The following EEPD1 variants were observed in gnomAD, a reference collection of about 807,000 sequenced individuals.
The protein encoded by EEPD1 is endonuclease/exonuclease/phosphatase family domain-containing protein 1.
EEPD1 carries 17 observed loss-of-function variants against 46.3 expected under a neutral mutation model. The ratio of observed to expected loss-of-function variants is 0.37; its 90% CI spans 0.25 to 0.55. The LOEUF is 0.55. Ranked by LOEUF, EEPD1 falls within the 20% of genes least tolerant of loss-of-function variation. EEPD1 has a pLI of 0.83. For missense variants in EEPD1, 673 were observed against 745.6 expected (o/e 0.90, Z 1.13); for synonymous variants, 313 against 315.6 (o/e 0.99, Z 0.09).
chr7:36,254,908 T>C (rs1786804947), intron 3 of EEPD1, among the ~76,000 whole-genome samples: 1 of 152,236 alleles, frequency 6.6e-6, no homozygotes, highest in Non-Finnish European at 1.5e-5. Context: ...CTTTTTTTCA[T>C]ATGTTTTTTG....
At chr7:36,232,152 A>T (rs1786343117) in intron 2 of EEPD1, among the ~76,000 whole-genome samples, 2 of 148,288 alleles carry the variant, frequency 1.3e-5, no homozygotes, top group East Asian at 2.0e-4. Context: ...CTGCCCCTAA[A>T]GCTATTCCAT....
chr7:36,183,449 G>A (rs1785308685), intron 2 of EEPD1, among the ~76,000 whole-genome samples: 1 of 152,138 alleles, frequency 6.6e-6, no homozygotes. Context: ...TTCTGTCACA[G>A]GAAACCCCAA....
At chr7:36,266,312 C>G (rs1178633516) in intron 3 of EEPD1, among the ~76,000 whole-genome samples, 3 of 152,152 alleles carry the variant, frequency 2.0e-5, no homozygotes, top group African/African-American at 4.8e-5. Context: ...CCAAGAATTA[C>G]TGGGCTGTGC....
Position 36,154,186 on chromosome 7 carries a change from T to C in EEPD1, c.-139T>C. The C allele has an allele frequency of 9.4e-7, 1 of 1,067,736 alleles. No individual in the cohort carries two copies. The highest frequency in any genetic ancestry group is 1.7e-5 in the South Asian group (1 of 58,854). 66.1% of individuals were successfully genotyped at this position (1,067,736 alleles called of 1,614,324 possible). ...CGCCAGGCATGGAAGATTCGGTGTT[T>C]GTCTATAGTAACCTCTTCAGTCCCT... On this transcript the variant is annotated 5_prime_UTR_variant, in exon 2 of 8. Transcript: ENST00000242108. This position sits in a 1 kb window ranked among gnomAD's most constrained non-coding sequence, Gnocchi z 4.2.
At chr7:36,197,146 G>A (rs1221686878) in intron 2 of EEPD1, among the ~76,000 whole-genome samples, 14 of 149,038 alleles carry the variant, frequency 9.4e-5, no homozygotes, top group Middle Eastern at 3.6e-3. Context: ...CAACCGCCCC[G>A]TCTGAGAAGT....
intron 2 of EEPD1, among the ~76,000 whole-genome samples, chr7:36,231,409 A>G (rs959287396): frequency 6.6e-6 from 1 of 152,236 alleles, no homozygotes; most frequent in African/African-American, 2.4e-5. Context: ...AGTAGGGTAC[A>G]GAAAAAGAAA....
intron 2 of EEPD1, among the ~76,000 whole-genome samples, chr7:36,191,877 G>T (rs1237107523): frequency 1.3e-5 from 2 of 152,310 alleles, no homozygotes; most frequent in South Asian, 2.1e-4. Flanking sequence ...GTCTTTTCTG[G>T]TGTGGGAGTC....
intron 3 of EEPD1, 53 bp downstream of exon 3, chr7:36,239,089 A>T (rs1786508535): frequency 6.3e-7 from 1 of 1,575,296 alleles, no homozygotes; most frequent in Non-Finnish European, 8.7e-7. Flanking sequence ...GGAGGGCCAC[A>T]CATAAGAAAA....
In EEPD1 at chr7:36,300,688, T is replaced by C. The variant is rs1787607545; in HGVS notation, c.*1482T>C. Reference sequence around the variant, plus strand: ...TCTCTGACCTGGAGCTGATGGGCCGTGAAGGGGGCCTATTTTTCTCCAAAG... The same window carrying C: ...TCTCTGACCTGGAGCTGATGGGCCGCGAAGGGGGCCTATTTTTCTCCAAAG... On this transcript the variant is annotated 3_prime_UTR_variant, in exon 8 of 8. Coordinates refer to ENST00000242108, the MANE Select transcript of EEPD1 (RefSeq NM_030636.3). 2 of 152,172 alleles carry C rather than the reference T, an allele frequency of 1.3e-5. No individual in the cohort carries two copies. The highest frequency in any genetic ancestry group is 6.5e-5 in the Admixed American group (1 of 15,278). The allele number at this position is 152,172 out of a possible 1,614,324, so 9.4% of individuals were successfully genotyped here. A position where few individuals can be genotyped will look rare whatever the true frequency, so the allele number is the denominator to read the frequency against.
chr7:36,234,518 A>G (rs1786393570), intron 2 of EEPD1, among the ~76,000 whole-genome samples: 1 of 151,982 alleles, frequency 6.6e-6, no homozygotes, highest in Non-Finnish European at 1.5e-5. Flanking sequence ...CTAAAAATAC[A>G]AAAATTAGCC....
rs779933198 is a variant in EEPD1 at position 36,281,167 on chromosome 7, G to T, written c.983G>T (p.Gly328Val). ...PTLPNIRKWK[G>V]PRGCWKAVVA... ...CTGCCCAACATCCGCAAGTGGAAGG[G>T]GCCCCGGGGATGCTGGAAGGCTGTT... The change falls in exon 4 of 8, where the codon GGG becomes GTG. Residue 328 changes from glycine to valine, a missense_variant. Gly to Val is a moderately radical substitution (Grantham distance 109, BLOSUM62 -3). Transcript: ENST00000242108. 2 of 1,614,192 alleles carry T rather than the reference G, an allele frequency of 1.2e-6. No individual in the cohort carries two copies. Among genetic ancestry groups the T allele is most frequent in the South Asian group, 2.2e-5 (2 of 91,090 alleles).
chr7:36,248,945 G>A (rs1204285501), intron 3 of EEPD1, among the ~76,000 whole-genome samples: 2 of 147,042 alleles, frequency 1.4e-5, no homozygotes, highest in African/African-American at 2.5e-5. Flanking sequence ...CCTCGCTGCC[G>A]GAAAGTGGGC....
intron 2 of EEPD1, among the ~76,000 whole-genome samples, chr7:36,158,235 A>T (rs1784853839): frequency 6.6e-6 from 1 of 152,170 alleles, no homozygotes; most frequent in Non-Finnish European, 1.5e-5. Context: ...CTCACTTTAG[A>T]CCTATGCCCT....
chr7:36,260,756 A>C (rs1786908120), intron 3 of EEPD1, among the ~76,000 whole-genome samples: 1 of 152,196 alleles, frequency 6.6e-6, no homozygotes, highest in Non-Finnish European at 1.5e-5. Context: ...CATTTTAGTA[A>C]ATTTCCCCCA....
chr7:36,295,276 T>C (rs1279232316), intron 6 of EEPD1, among the ~76,000 whole-genome samples: 1 of 152,004 alleles, frequency 6.6e-6, no homozygotes, highest in Non-Finnish European at 1.5e-5. Flanking sequence ...AAAAACCTGC[T>C]GGGTGGATGT....
chr7:36,230,293 T>C (rs1005752741), intron 2 of EEPD1, among the ~76,000 whole-genome samples: 2 of 143,408 alleles, frequency 1.4e-5, no homozygotes, highest in African/African-American at 5.1e-5. Context: ...CTCAACACCA[T>C]GGCCATATTT....
chr7:36,181,349 G>GA (rs890475741), intron 2 of EEPD1, among the ~76,000 whole-genome samples: 2 of 152,158 alleles, frequency 1.3e-5, no homozygotes, highest in Admixed American at 1.3e-4. Flanking sequence ...TCCTGGCTGT[G>GA]ACTCCCTTCT....
intron 2 of EEPD1, among the ~76,000 whole-genome samples, chr7:36,161,462 G>T (rs975278512): frequency 6.6e-6 from 1 of 152,042 alleles, no homozygotes; most frequent in Admixed American, 6.5e-5. Context: ...TGGATGGGTG[G>T]TTGGAGTCTG....
At chr7:36,262,069 G>C (rs1368568842) in intron 3 of EEPD1, among the ~76,000 whole-genome samples, 1 of 152,160 alleles carries the variant, frequency 6.6e-6, no homozygotes, top group Non-Finnish European at 1.5e-5. Flanking sequence ...CTCCCTTCTA[G>C]ATCCTGGACT....
Sources: allele counts gnomAD v4.1 joint callset (sites outside exome capture counted in the v4.1 genomes callset), GRCh38; gene constraint gnomAD v4.1.1; non-coding constraint Gnocchi (gnomAD v3.1); transcripts MANE v1.5; gene names NCBI Gene and HGNC (gene_info 2026-07-23, HGNC 2026-07-21).